The following PC variants were observed in gnomAD, a reference collection of about 807,000 sequenced individuals.
The protein encoded by PC is pyruvate carboxylase.
In PC, 46 loss-of-function variants were observed where a neutral mutation model predicts 107.8. That is an observed-to-expected ratio of 0.43 (90% CI 0.34 to 0.55). The LOEUF is 0.55. Among genes scored for constraint, PC ranks in the 20% least tolerant of loss-of-function variants. PC has a pLI of 0.04. For synonymous variants in PC, 662 were observed against 684.7 expected, an observed-to-expected ratio of 0.97 and a Z score of 0.52; for missense variants, 1,241 against 1,643.1, an observed-to-expected ratio of 0.76 and a Z score of 4.23.
chr11:66,885,528 G>C (rs1046556062), intron 3 of PC, among the ~76,000 whole-genome samples: 5 of 151,580 alleles, frequency 3.3e-5, no homozygotes, highest in Admixed American at 6.6e-5. Flanking sequence ...TTGGAAATAG[G>C]GTAATCAAGT....
chr11:66,939,392 T>C (rs1255817065), intron 3 of PC, among the ~76,000 whole-genome samples: 1 of 152,150 alleles, frequency 6.6e-6, no homozygotes, highest in Non-Finnish European at 1.5e-5. Context: ...AGGGGGGTCT[T>C]GGAACCAGTC....
chr11:66,867,704 G>A (rs1946553451), intron 10 of PC, among the ~76,000 whole-genome samples: 1 of 152,198 alleles, frequency 6.6e-6, no homozygotes, highest in African/African-American at 2.4e-5. Flanking sequence ...CAAAACCCGT[G>A]CTCCACAGCA....
chr11:66,892,343 C>G (rs570454716), intron 3 of PC, among the ~76,000 whole-genome samples: 1 of 152,132 alleles, frequency 6.6e-6, no homozygotes, highest in Non-Finnish European at 1.5e-5. Flanking sequence ...CCTGGGATGA[C>G]TAAGAGCTTT....
chr11:66,900,683 CAAT>C (rs1197943615), intron 3 of PC, among the ~76,000 whole-genome samples: 1 of 152,074 alleles, frequency 6.6e-6, no homozygotes, highest in Non-Finnish European at 1.5e-5. Context: ...TTGTTTTCAA[CAAT>C]GTTTCATAGT....
chr11:66,884,888 C>T (rs980570962), intron 3 of PC, among the ~76,000 whole-genome samples: 2 of 152,106 alleles, frequency 1.3e-5, no homozygotes, highest in African/African-American at 4.8e-5. Flanking sequence ...ACAATCTTTG[C>T]AGGGAGGAAG....
chr11:66,854,006 G>C (rs761251297), intron 12 of PC, among the ~76,000 whole-genome samples: 2 of 152,242 alleles, frequency 1.3e-5, no homozygotes, highest in African/African-American at 2.4e-5. Context: ...CATAAGTTCA[G>C]CAAGTCCACG....
At chr11:66,911,695 G>A (rs967585021) in intron 3 of PC, among the ~76,000 whole-genome samples, 4 of 152,140 alleles carry the variant, frequency 2.6e-5, no homozygotes, top group African/African-American at 9.7e-5. Context: ...AGAAAGACAA[G>A]CATTGAAAAG....
Position 66,850,818 on chromosome 11 carries a change from CT to C in PC, c.2328del (p.Ala778GlnfsTer27), listed in dbSNP as rs1945438293. The C allele has an allele frequency of 6.2e-7, 1 of 1,612,056 alleles. No homozygotes were observed. ...GCCAGCATGGCTGCCACGCCTGCCC[CT>C]GACGTGTCGTGGGTGTGGATGTGCA... ...LPLHIHTHDT[S>X]GAGVAAMLAC... On this transcript the variant is annotated frameshift_variant, in exon 18 of 23. Transcript: ENST00000393960. LOFTEE classifies it high-confidence loss of function.
chr11:66,868,078 TGC>T (rs1196210565), intron 10 of PC, among the ~76,000 whole-genome samples: 1 of 152,256 alleles, frequency 6.6e-6, no homozygotes, highest in African/African-American at 2.4e-5. Flanking sequence ...CCTCAGTGCC[TGC>T]AGGGAGCACG....
intron 9 of PC, 85 bp from the exon 10 acceptor site, chr11:66,869,049 C>A: frequency 9.5e-7 from 1 of 1,051,626 alleles, no homozygotes; most frequent in South Asian, 1.3e-5. Context: ...TTCCGTCCCA[C>A]CCATTGGGTT....
chr11:66,948,844 A>C (rs1949370321), intron 3 of PC, among the ~76,000 whole-genome samples: 2 of 152,170 alleles, frequency 1.3e-5, no homozygotes, highest in Non-Finnish European at 2.9e-5. Context: ...TCTCAAAATA[A>C]ACAAAAATAA....
chr11:66,879,697 C>T (rs2135976790), intron 3 of PC, among the ~76,000 whole-genome samples: 1 of 152,270 alleles, frequency 6.6e-6, no homozygotes, highest in South Asian at 2.1e-4. Context: ...GAGGTTGGGT[C>T]ACGCAGAGAG....
At chr11:66,921,305 G>T (rs2136091626) in intron 3 of PC, among the ~76,000 whole-genome samples, 1 of 152,304 alleles carries the variant, frequency 6.6e-6, no homozygotes, top group South Asian at 2.1e-4. Context: ...TAGCCTTAAA[G>T]AACCAGTATT....
rs1356864477 is a variant in PC at position 66,858,446 on chromosome 11, C to T, written c.1369-5063G>A. The T allele has an allele frequency of 2.6e-6, 4 of 1,551,788 alleles. No individual in the cohort carries two copies. Among genetic ancestry groups the T allele is most frequent in the Admixed American group, 3.8e-5 (2 of 52,360 alleles). ...CCCTGGTGCTGAGCTTTAGCGGGAA[C>T]CCCCTGCACTGCAACTGTGAGCTGC... On this transcript the variant is annotated intron_variant, in intron 12 of 22. Coordinates refer to ENST00000393960, the MANE Select transcript of PC (RefSeq NM_001040716.2). The surrounding 1 kb of genome is among the most constrained non-coding windows in gnomAD (Gnocchi z 5.9).
chr11:66,855,137 C>T (rs573895993), intron 12 of PC, among the ~76,000 whole-genome samples: 2 of 152,324 alleles, frequency 1.3e-5, no homozygotes, highest in African/African-American at 4.8e-5. Flanking sequence ...AACCGTTCTG[C>T]ATCACCGAGT....
At chr11:66,936,729 A>G (rs1281409149) in intron 3 of PC, among the ~76,000 whole-genome samples, 1 of 152,150 alleles carries the variant, frequency 6.6e-6, no homozygotes, top group Non-Finnish European at 1.5e-5. Flanking sequence ...CATTCATTTA[A>G]CCTATGTTTT....
chr11:66,941,450 A>G (rs1949126930), intron 3 of PC, among the ~76,000 whole-genome samples: 1 of 152,230 alleles, frequency 6.6e-6, no homozygotes, highest in South Asian at 2.1e-4. Flanking sequence ...GTCCACAGAT[A>G]TATGAATGGA....
At chr11:66,920,408 C>A (rs1948565739) in intron 3 of PC, among the ~76,000 whole-genome samples, 1 of 152,086 alleles carries the variant, frequency 6.6e-6, no homozygotes, top group African/African-American at 2.4e-5. Flanking sequence ...AACTTAAATT[C>A]ACCTTTGGAA....
intron 12 of PC, among the ~76,000 whole-genome samples, chr11:66,862,905 C>T (rs1004732607): frequency 2.6e-5 from 4 of 152,230 alleles, no homozygotes; most frequent in African/African-American, 9.6e-5. Context: ...TCGGCTGCTC[C>T]TGAAGCACCT....
Sources: allele counts gnomAD v4.1 joint callset (sites outside exome capture counted in the v4.1 genomes callset), GRCh38; gene constraint gnomAD v4.1.1; non-coding constraint Gnocchi (gnomAD v3.1); transcripts MANE v1.5; gene names NCBI Gene and HGNC (gene_info 2026-07-23, HGNC 2026-07-21).